Variants in LIMA1 observed in about 807,000 individuals in gnomAD.
LIMA1 encodes LIM domain and actin binding 1, also known as LIM domain and actin-binding protein 1.
In LIMA1, 52 loss-of-function variants were observed where a neutral mutation model predicts 62.6. The observed-to-expected ratio is 0.83, with a 90% CI of 0.67 to 1.05. The LOEUF (loss-of-function observed/expected upper bound fraction) is 1.05. Ranked by LOEUF, LIMA1 falls within the 50% of genes least tolerant of loss-of-function variation. The probability of loss-of-function intolerance (pLI) is 0.00; values close to 1 mark genes in which losing one functional copy is unlikely to be tolerated. For missense variants in LIMA1, 780 were observed against 902.2 expected, an observed-to-expected ratio of 0.86 and a Z score of 1.74; for synonymous variants, 302 against 317.8, an observed-to-expected ratio of 0.95 and a Z score of 0.53.
At chr12:50,200,140 C>A (rs1941014409) in intron 7 of LIMA1, among the ~76,000 whole-genome samples, 1 of 152,184 alleles carries the variant, frequency 6.6e-6, no homozygotes, top group African/African-American at 2.4e-5. Flanking sequence ...GATGATCTGC[C>A]TGCCTTGGCC....
intron 7 of LIMA1, among the ~76,000 whole-genome samples, chr12:50,197,949 C>T (rs1940966302): frequency 1.3e-5 from 2 of 152,102 alleles, no homozygotes; most frequent in Admixed American, 6.6e-5. Context: ...GCATGTGCCT[C>T]ATGGGCTAAT....
At chr12:50,181,508 A>G (rs1306043483) in intron 10 of LIMA1, among the ~76,000 whole-genome samples, 2 of 152,206 alleles carry the variant, frequency 1.3e-5, no homozygotes, top group Non-Finnish European at 2.9e-5. Flanking sequence ...CATGCTCTCC[A>G]GGGGCTATTA....
rs763743982 is a variant in LIMA1 at position 50,222,032 on chromosome 12, T to G, written c.619A>C (p.Thr207Pro). The G allele has an allele frequency of 2.5e-6, 4 of 1,608,402 alleles. No individual in the cohort carries two copies. The South Asian group carries it at 4.4e-5, about 18-fold the overall frequency. Reference sequence around the variant, plus strand: ...CGCCCAATTCTTACCTTAGTTTGAGTTGGTTCACCTTTCTCAAACATCATC... The same window carrying G: ...CGCCCAATTCTTACCTTAGTTTGAGGTGGTTCACCTTTCTCAAACATCATC... Reference protein sequence around the residue: ...LKMMFEKGEPTQTKILRAQSR... With the variant: ...LKMMFEKGEPPQTKILRAQSR... The change falls in exon 4 of 11, where the codon ACT becomes CCT. Residue 207 changes from threonine to proline, a missense_variant. Thr to Pro is a conservative substitution (Grantham distance 38, BLOSUM62 -1). Coordinates refer to ENST00000341247, the MANE Select transcript of LIMA1 (RefSeq NM_016357.5).
At chr12:50,218,997 G>A (rs562832070) in intron 4 of LIMA1, among the ~76,000 whole-genome samples, 31 of 151,302 alleles carry the variant, frequency 2.0e-4, no homozygotes, top group Non-Finnish European at 3.4e-4. Context: ...TCTCTATAAA[G>A]TCTACTATGT....
intron 9 of LIMA1, chr12:50,182,297 T>C: frequency 4.6e-6 from 1 of 216,158 alleles, no homozygotes. Flanking sequence ...TTACAAAGAA[T>C]GGCTTAGACA....
intron 10 of LIMA1, among the ~76,000 whole-genome samples, chr12:50,179,418 G>C (rs1940438863): frequency 6.7e-6 from 1 of 149,876 alleles, no homozygotes; most frequent in Admixed American, 6.7e-5. Context: ...GGGATTACAG[G>C]CGTGAGCCAC....
At chr12:50,230,970 A>G (rs751729611) in intron 3 of LIMA1, among the ~76,000 whole-genome samples, 1 of 152,226 alleles carries the variant, frequency 6.6e-6, no homozygotes, top group Non-Finnish European at 1.5e-5. Flanking sequence ...TTACAGGAAC[A>G]TATTATGCAC....
chr12:50,234,171 A>G, intron 2 of LIMA1: 1 of 438,790 alleles, frequency 2.3e-6, no homozygotes, highest in Non-Finnish European at 4.6e-6. Flanking sequence ...AGATTTGTGC[A>G]GGTACAAGCT....
chr12:50,275,292 C>T (rs1942263203), intron 1 of LIMA1, among the ~76,000 whole-genome samples: 1 of 152,076 alleles, frequency 6.6e-6, no homozygotes, highest in South Asian at 2.1e-4. Context: ...CACCTGAACC[C>T]AGGAGGTGGG....
rs576761619 is a variant in LIMA1 at position 50,179,425 on chromosome 12, C to T, written c.1275-1356G>A. ...AAAGGGCTGGGATTACAGGCGTGAG[C>T]CACCACGCCCAGCCATTTTTGTTTT... is the stretch of plus-strand genomic sequence containing the variant. On this transcript the variant is annotated intron_variant, in intron 10 of 10. Coordinates refer to ENST00000341247, the MANE Select transcript of LIMA1 (RefSeq NM_016357.5). Among the ~76,000 whole-genome samples, 360 of 150,018 alleles carry T rather than the reference C, an allele frequency of 2.4e-3. 1 individual carries two copies. Among genetic ancestry groups the T allele is most frequent in the Middle Eastern group, 7.1e-3 (2 of 280 alleles).
rs1218116555 is a variant in LIMA1 at position 50,259,061 on chromosome 12, T to C, written c.-23-10287A>G. ...TATTTATAACTTCTTTCTCTGATAG[T>C]AAAAAGCCTAACCCCACAGAACTTT... On this transcript the variant is annotated intron_variant, in intron 1 of 10. Coordinates refer to ENST00000341247, the MANE Select transcript of LIMA1 (RefSeq NM_016357.5). Among the ~76,000 whole-genome samples the C allele has an allele frequency of 2.0e-5, 3 of 152,226 alleles. No homozygotes were observed. In the East Asian group the frequency reaches 5.8e-4, roughly 29 times the overall value.
intron 1 of LIMA1, among the ~76,000 whole-genome samples, chr12:50,280,213 GGC>G (rs2138719590): frequency 7.6e-6 from 1 of 131,122 alleles, no homozygotes; most frequent in South Asian, 2.6e-4. Flanking sequence ...GGAGTGCAGT[GGC>G]GCGATCTCCG....
At chr12:50,196,942 A>G (rs1454792050) in intron 7 of LIMA1, among the ~76,000 whole-genome samples, 1 of 152,182 alleles carries the variant, frequency 6.6e-6, no homozygotes, top group Non-Finnish European at 1.5e-5. Context: ...ATGATATGAA[A>G]TAAATTTTCT....
intron 2 of LIMA1, among the ~76,000 whole-genome samples, chr12:50,239,248 C>A (rs558961074): frequency 6.6e-6 from 1 of 152,090 alleles, no homozygotes; most frequent in African/African-American, 2.4e-5. Context: ...TATTAAATAA[C>A]AAAGGAACAC....
chr12:50,179,015 G>C (rs1365905798), intron 10 of LIMA1, among the ~76,000 whole-genome samples: 1 of 144,842 alleles, frequency 6.9e-6, no homozygotes, highest in Admixed American at 7.2e-5. Context: ...TCGCTCTGTC[G>C]CCCAGGCTGG....
At chr12:50,214,051 C>CACACACACACACACACACAT (rs55904917) in intron 4 of LIMA1, among the ~76,000 whole-genome samples, 6,084 of 149,864 alleles carry the variant, frequency 0.041, 205 homozygotes, top group African/African-American at 0.074. Flanking sequence ...CACACACACA[C>CACACACACACACACACACAT]GAGATTACTC....
intron 4 of LIMA1, among the ~76,000 whole-genome samples, chr12:50,215,646 T>G (rs1941331739): frequency 2.0e-5 from 3 of 151,990 alleles, no homozygotes; most frequent in Non-Finnish European, 4.4e-5. Context: ...ATTTTTTTTT[T>G]GTATTTTTAG....
At chr12:50,262,246 A>C (rs969131903) in intron 1 of LIMA1, among the ~76,000 whole-genome samples, 4 of 152,196 alleles carry the variant, frequency 2.6e-5, no homozygotes, top group South Asian at 2.1e-4. Context: ...TAGAAACCAA[A>C]AGGAAGATGA....
intron 2 of LIMA1, among the ~76,000 whole-genome samples, chr12:50,241,306 T>C (rs973683358): frequency 6.6e-6 from 1 of 152,148 alleles, no homozygotes; most frequent in African/African-American, 2.4e-5. Context: ...CCACACCCCT[T>C]GGATAATCAT....
Sources: allele counts gnomAD v4.1 joint callset (sites outside exome capture counted in the v4.1 genomes callset), GRCh38; gene constraint gnomAD v4.1.1; transcripts MANE v1.5; gene names NCBI Gene and HGNC (gene_info 2026-07-23, HGNC 2026-07-21).